Variants in PRKCA observed in about 807,000 individuals in gnomAD.
PRKCA encodes the protein protein kinase C alpha.
PRKCA carries 27 observed loss-of-function variants against 87.0 expected under a neutral mutation model. The observed-to-expected ratio is 0.31, with a 90% CI of 0.23 to 0.43. The LOEUF (loss-of-function observed/expected upper bound fraction) is 0.43. Among genes scored for constraint, PRKCA ranks in the 20% least tolerant of loss-of-function variants. The pLI, the probability that PRKCA is intolerant of heterozygous loss-of-function variation, is 1.00. For missense variants in PRKCA, 518 were observed against 852.3 expected, an observed-to-expected ratio of 0.61 and a Z score of 4.88; for synonymous variants, 329 against 311.1, an observed-to-expected ratio of 1.06 and a Z score of -0.61.
At chr17:66,351,485 C>T (rs979275686) in intron 2 of PRKCA, among the ~76,000 whole-genome samples, 5 of 152,056 alleles carry the variant, frequency 3.3e-5, no homozygotes, top group Admixed American at 1.3e-4. Flanking sequence ...GAGCTCATCC[C>T]GTAGGCCAGG....
chr17:66,376,078 G>A (rs1020053717), intron 2 of PRKCA, among the ~76,000 whole-genome samples: 3 of 152,172 alleles, frequency 2.0e-5, no homozygotes, highest in Non-Finnish European at 4.4e-5. Flanking sequence ...AGCTCTCCTT[G>A]GAGTGTAGTC....
At position 66,633,217 on chromosome 17, in the gene PRKCA, A is replaced by G. The variant is rs145239293; in HGVS notation, c.289-8138A>G. 5.5e-3 allele frequency among the ~76,000 whole-genome samples: 832 copies of G among 152,240 alleles called. 12 individuals carry two copies. The highest frequency in any genetic ancestry group is 0.017 in the African/African-American group (720 of 41,542). Reference sequence around the variant, plus strand: ...ATAATTACAGTGGTCCCCAAGTTACATGCAACCACCCTGATCATATGACTT... The same window carrying G: ...ATAATTACAGTGGTCCCCAAGTTACGTGCAACCACCCTGATCATATGACTT... On this transcript the variant is annotated intron_variant, in intron 3 of 16. Coordinates refer to ENST00000413366, the MANE Select transcript of PRKCA (RefSeq NM_002737.3).
rs1975237407 is a variant in PRKCA, at chr17:66,781,903, TGTGTGTGTGTGTGTGA to T, written c.1606-4960_1606-4945del. Among the ~76,000 whole-genome samples the T allele has an allele frequency of 2.7e-4, 40 of 150,156 alleles. No individual in the cohort carries two copies. In the South Asian group the frequency reaches 8.0e-3, roughly 30 times the overall value. ...TATATATATAGTGTGTGTGTGTGTG[TGTGTGTGTGTGTGTGA>T]GTGAGTGTGAGTGTGACAGAGTCTT... On this transcript the variant is annotated intron_variant, in intron 14 of 16. Transcript: ENST00000413366.
intron 2 of PRKCA, among the ~76,000 whole-genome samples, chr17:66,457,845 T>C (rs988435134): frequency 2.8e-4 from 42 of 152,176 alleles, no homozygotes; most frequent in African/African-American, 9.6e-4. Context: ...CAGTCTTAGG[T>C]ATGTCTTTTT....
intron 2 of PRKCA, among the ~76,000 whole-genome samples, chr17:66,328,596 G>A (rs1195961440): frequency 6.6e-6 from 1 of 152,074 alleles, no homozygotes; most frequent in Non-Finnish European, 1.5e-5. Flanking sequence ...TCAGGAGTTT[G>A]AGACCAGCCT....
chr17:66,558,078 A>G (rs116536824), intron 3 of PRKCA, among the ~76,000 whole-genome samples: 2,345 of 152,332 alleles, frequency 0.015, 71 homozygotes, highest in African/African-American at 0.053. Flanking sequence ...GCTCTAGCCA[A>G]TACGGGAATA....
Position 66,674,641 on chromosome 17 carries a change from T to A in PRKCA, c.530-12470T>A, listed in dbSNP as rs116702932. ...TAGATAGAGGTGTTCAAGTAAATGG[T>A]AGGAAACAGATTAGAGGCCTGTTTT... is the stretch of plus-strand genomic sequence containing the variant. On this transcript the variant is annotated intron_variant, in intron 5 of 16. Coordinates refer to ENST00000413366, the MANE Select transcript of PRKCA (RefSeq NM_002737.3). 5.5e-3 allele frequency among the ~76,000 whole-genome samples: 840 copies of A among 152,310 alleles called. 14 individuals are homozygous for A. Among genetic ancestry groups the A allele is most frequent in the African/African-American group, 0.019 (793 of 41,560 alleles).
chr17:66,765,416 G>GTATATA (rs1276368624), intron 13 of PRKCA, among the ~76,000 whole-genome samples: 13 of 16,024 alleles, frequency 8.1e-4, no homozygotes, highest in African/African-American at 1.1e-3. Flanking sequence ...GCAAGACTTT[G>GTATATA]TCTATATATA....
intron 3 of PRKCA, among the ~76,000 whole-genome samples, chr17:66,624,472 A>G (rs934757096): frequency 1.1e-4 from 16 of 152,204 alleles, no homozygotes; most frequent in African/African-American, 3.6e-4. Context: ...TCTCCAACAC[A>G]GTAGCCACTA....
chr17:66,509,178 ATGTG>A (rs35472661), intron 3 of PRKCA, among the ~76,000 whole-genome samples: 2,701 of 147,168 alleles, frequency 0.018, 62 homozygotes, highest in South Asian at 0.074. Flanking sequence ...GTGTGTGTGT[ATGTG>A]TGTGTGTGTG....
chr17:66,363,468 A>G (rs1179015928), intron 2 of PRKCA, among the ~76,000 whole-genome samples: 4 of 152,212 alleles, frequency 2.6e-5, no homozygotes, highest in Non-Finnish European at 4.4e-5. Flanking sequence ...CCGAATGTAA[A>G]GGCAGCTCCT....
chr17:66,559,091 C>T (rs1417909267), intron 3 of PRKCA, among the ~76,000 whole-genome samples: 2 of 152,168 alleles, frequency 1.3e-5, no homozygotes, highest in Admixed American at 6.6e-5. Context: ...GAATCTGTGA[C>T]AGCTCTTGCA....
intron 3 of PRKCA, among the ~76,000 whole-genome samples, chr17:66,572,571 C>G (rs531057728): frequency 3.3e-5 from 5 of 152,206 alleles, no homozygotes; most frequent in African/African-American, 4.8e-5. Flanking sequence ...TAACCCACAG[C>G]TCACTGCAGC....
At chr17:66,412,397 T>C (rs191317477) in intron 2 of PRKCA, among the ~76,000 whole-genome samples, 49 of 152,318 alleles carry the variant, frequency 3.2e-4, no homozygotes, top group African/African-American at 1.1e-3. Context: ...TTTTGCACTT[T>C]TACTTAAAAG....
chr17:66,662,130 T>C (rs905734730), intron 5 of PRKCA, among the ~76,000 whole-genome samples: 1 of 152,248 alleles, frequency 6.6e-6, no homozygotes, highest in African/African-American at 2.4e-5. Context: ...CTTTTATCCC[T>C]GAATCATCGC....
chr17:66,562,134 A>AATTATATATAT (rs1968717038), intron 3 of PRKCA, among the ~76,000 whole-genome samples: 1 of 34,630 alleles, frequency 2.9e-5, no homozygotes, highest in African/African-American at 3.0e-4. Context: ...ATATATAATT[A>AATTATATATAT]AATTATATAT....
chr17:66,566,480 G>GTTTTTTTTTTTTTTTT (rs56912157), intron 3 of PRKCA, among the ~76,000 whole-genome samples: 2 of 97,018 alleles, frequency 2.1e-5, no homozygotes, highest in African/African-American at 7.4e-5. Flanking sequence ...TTGTTTTTTG[G>GTTTTTTTTTTTTTTTT]TTTTTTTTTT....
At chr17:66,652,695 T>A (rs1971620779) in intron 5 of PRKCA, among the ~76,000 whole-genome samples, 1 of 152,180 alleles carries the variant, frequency 6.6e-6, no homozygotes. Flanking sequence ...TCCCAAAAAC[T>A]TGGGCAATGA....
intron 3 of PRKCA, among the ~76,000 whole-genome samples, chr17:66,503,347 C>A (rs1267771527): frequency 6.6e-6 from 1 of 152,134 alleles, no homozygotes; most frequent in African/African-American, 2.4e-5. Context: ...CTCTATCTCA[C>A]CTGGCAGACA....
Sources: gnomAD v4.1 joint callset for allele counts (sites outside exome capture counted in the v4.1 genomes callset) on GRCh38, gnomAD v4.1.1 for gene constraint, MANE v1.5 for transcripts, NCBI Gene and HGNC (gene_info 2026-07-23, HGNC 2026-07-21) for gene names.